Variants in GALNS observed in about 807,000 individuals in gnomAD.
The protein encoded by GALNS is N-acetylgalactosamine-6-sulfatase.
Under a neutral mutation model 65.9 loss-of-function variants are expected in GALNS, and 65 were observed. That is an observed-to-expected ratio of 0.99 (90% CI 0.81 to 1.21). The LOEUF is 1.21. Ranked by LOEUF, GALNS falls within the 50% of genes most tolerant of loss-of-function variation. The probability of loss-of-function intolerance (pLI) is 0.00; values close to 1 mark genes in which losing one functional copy is unlikely to be tolerated. For missense variants in GALNS, 776 were observed against 700.7 expected, an observed-to-expected ratio of 1.11 and a Z score of -1.21; for synonymous variants, 346 against 288.9, an observed-to-expected ratio of 1.20 and a Z score of -2.00.
chr16:88,845,472 G>A (rs937892673), intron 1 of GALNS: 1 of 152,144 alleles, frequency 6.6e-6, no homozygotes, highest in African/African-American at 2.4e-5. Flanking sequence ...CATGGGGCTG[G>A]GTGCGGTGGC....
At chr16:88,830,229 T>G (rs1244240567) in intron 9 of GALNS, among the ~76,000 whole-genome samples, 1 of 51,692 alleles carries the variant, frequency 1.9e-5, no homozygotes, top group Non-Finnish European at 3.3e-5. Context: ...AGACTTCATC[T>G]CAAAAAAAAA....
At chr16:88,850,853 AAGG>A (rs1967475216) in intron 1 of GALNS, among the ~76,000 whole-genome samples, 1 of 152,190 alleles carries the variant, frequency 6.6e-6, no homozygotes. Flanking sequence ...TTATGCCCAG[AAGG>A]AGGATGCTGG....
At chr16:88,850,251 T>C (rs545860774) in intron 1 of GALNS, among the ~76,000 whole-genome samples, 1 of 152,034 alleles carries the variant, frequency 6.6e-6, no homozygotes, top group East Asian at 1.9e-4. Flanking sequence ...GGGCTGGGAG[T>C]GAGGCCGCAC....
chr16:88,855,328 G>A (rs894313686), intron 1 of GALNS: 1 of 700,536 alleles, frequency 1.4e-6, no homozygotes, highest in Non-Finnish European at 2.6e-6. Context: ...CCCAGAAGGA[G>A]TTACACAATG....
At chr16:88,829,362 C>T (rs917895695) in intron 9 of GALNS, among the ~76,000 whole-genome samples, 7 of 152,214 alleles carry the variant, frequency 4.6e-5, no homozygotes, top group African/African-American at 7.2e-5. Context: ...CAAAGGAGGC[C>T]GTGCCCACCA....
chr16:88,815,313 TC>T (rs1306071657), intron 13 of GALNS: 1 of 985,328 alleles, frequency 1.0e-6, no homozygotes. Context: ...CAGGCGGTCC[TC>T]CCAGGAGGGC....
intron 8 of GALNS, among the ~76,000 whole-genome samples, chr16:88,834,290 C>CG (rs1911832151): frequency 1.3e-5 from 2 of 151,914 alleles, no homozygotes; most frequent in Non-Finnish European, 2.9e-5. Flanking sequence ...GTAGGCGCCC[C>CG]CCGACATGGT....
chr16:88,854,744 G>A (rs1967698423), intron 1 of GALNS, among the ~76,000 whole-genome samples: 1 of 152,250 alleles, frequency 6.6e-6, no homozygotes, highest in African/African-American at 2.4e-5. Flanking sequence ...GCCACGAAAG[G>A]GGAAACTCGC....
intron 5 of GALNS, 57 bp from the exon 6 acceptor site, chr16:88,836,324 C>T: frequency 7.2e-7 from 1 of 1,395,802 alleles, no homozygotes. Context: ...AAGTCCCGTT[C>T]TCCCTGATTT....
chr16:88,856,828 A>G lies in GALNS; in HGVS notation c.50T>C (p.Leu17Pro), dbSNP rs1406362143. 2 of 1,525,652 alleles carry G rather than the reference A, an allele frequency of 1.3e-6. No individual in the cohort carries two copies. Among genetic ancestry groups the G allele is most frequent in the Non-Finnish European group, 8.7e-7 (1 of 1,146,224 alleles). The allele number at this position is 1,525,652 out of a possible 1,614,324, so 94.5% of individuals were successfully genotyped here. A position where few individuals can be genotyped will look rare whatever the true frequency, so the allele number is the denominator to read the frequency against. Residue 17 changes from leucine to proline, a missense_variant, in exon 1 of 14, where the codon CTC (leucine) becomes CCC (proline). Physicochemically the swap from Leu to Pro is moderately conservative, Grantham distance 98. Coordinates refer to ENST00000268695, the MANE Select transcript of GALNS (RefSeq NM_000512.5). Reference protein sequence around the residue: ...ATRWWQLLLVLSAAGMGASGA... With the variant: ...ATRWWQLLLVPSAAGMGASGA... Reference sequence around the variant, plus strand: ...CGAGGCCCCCATCCCCGCGGCGCTGAGCACCAGCAACAGCTGCCACCACCT... The same window carrying G: ...CGAGGCCCCCATCCCCGCGGCGCTGGGCACCAGCAACAGCTGCCACCACCT...
At chr16:88,834,169 A>C (rs1463520716) in intron 8 of GALNS, among the ~76,000 whole-genome samples, 1 of 152,212 alleles carries the variant, frequency 6.6e-6, no homozygotes, top group Non-Finnish European at 1.5e-5. Context: ...CAGGGGAGCT[A>C]TCTGGTGGGA....
intron 9 of GALNS, among the ~76,000 whole-genome samples, chr16:88,828,225 G>A (rs1394409889): frequency 1.4e-5 from 2 of 138,136 alleles, no homozygotes; most frequent in South Asian, 2.5e-4. Flanking sequence ...AAATCCAGAT[G>A]CTTTTGTCAT....
chr16:88,835,463 G>A (rs1912023405), intron 7 of GALNS, 111 bp from the exon 8 acceptor site: 2 of 1,441,276 alleles, frequency 1.4e-6, no homozygotes, highest in Non-Finnish European at 1.9e-6. Flanking sequence ...TAACTTCACA[G>A]ACCACAGTGA....
intron 1 of GALNS, among the ~76,000 whole-genome samples, chr16:88,847,617 C>T (rs77343371): frequency 0.011 from 1,689 of 152,282 alleles, 25 homozygotes; most frequent in East Asian, 0.045. Context: ...CTCCAAGAGC[C>T]GGAGAGAGGC....
Position 88,814,087 on chromosome 16 carries a change from G to A in GALNS, c.*352C>T, listed in dbSNP as rs1320071162. 2.0e-5 allele frequency: 8 copies of A among 402,028 alleles called. No individual in the cohort carries two copies. Among genetic ancestry groups the A allele is most frequent in the Non-Finnish European group, 3.8e-5 (8 of 211,996 alleles). The allele number at this position is 402,028 out of a possible 1,614,324, so 24.9% of individuals were successfully genotyped here. A position where few individuals can be genotyped will look rare whatever the true frequency, so the allele number is the denominator to read the frequency against. Reference sequence around the variant, plus strand: ...CAGCCACCTCAGGCACCTGTTGTCAGGACCTCCTGAGGCTGTCACAGGTGC... The same window carrying A: ...CAGCCACCTCAGGCACCTGTTGTCAAGACCTCCTGAGGCTGTCACAGGTGC... On this transcript the variant is annotated 3_prime_UTR_variant, in exon 14 of 14. Coordinates refer to ENST00000268695, the MANE Select transcript of GALNS (RefSeq NM_000512.5).
chr16:88,855,182 C>T (rs1347467266), intron 1 of GALNS: 1 of 673,084 alleles, frequency 1.5e-6, no homozygotes, highest in South Asian at 1.5e-5. Flanking sequence ...ATTATTTCGA[C>T]AAGTCTTCAA....
intron 9 of GALNS, among the ~76,000 whole-genome samples, chr16:88,830,966 C>T (rs566467441): frequency 6.6e-6 from 1 of 152,290 alleles, no homozygotes; most frequent in Admixed American, 6.5e-5. Flanking sequence ...CTCATGGTGC[C>T]CACCAGCATG....
intron 5 of GALNS, among the ~76,000 whole-genome samples, chr16:88,836,754 G>C (rs1157761187): frequency 6.6e-6 from 1 of 152,248 alleles, no homozygotes; most frequent in African/African-American, 2.4e-5. Flanking sequence ...TCTTGCATCT[G>C]ATGACCTGGC....
intron 12 of GALNS, among the ~76,000 whole-genome samples, chr16:88,819,663 G>C (rs150085732): frequency 8.5e-4 from 130 of 152,256 alleles, no homozygotes; most frequent in African/African-American, 3.1e-3. Flanking sequence ...CTCTTGAGTA[G>C]CTGGGACCAT....
Sources: gnomAD v4.1 joint callset for allele counts (sites outside exome capture counted in the v4.1 genomes callset) on GRCh38, gnomAD v4.1.1 for gene constraint, MANE v1.5 for transcripts, NCBI Gene and HGNC (gene_info 2026-07-23, HGNC 2026-07-21) for gene names.